Variants in AHCTF1 observed in about 807,000 individuals in gnomAD.
AHCTF1 encodes the protein AT-hook containing transcription factor 1, also known as protein ELYS.
Under a neutral mutation model 248.4 loss-of-function variants are expected in AHCTF1, and 24 were observed. The observed-to-expected ratio is 0.10, with a 90% CI of 0.07 to 0.14. AHCTF1 has a LOEUF of 0.14. AHCTF1 is among the 10% of genes least tolerant of loss of function. The pLI is 1.00. For synonymous variants in AHCTF1, 786 were observed against 929.8 expected (o/e 0.85, Z 2.81); for missense variants, 2,206 against 2,636.2 (o/e 0.84, Z 3.57).
rs1353361799 is a variant in AHCTF1 at position 246,864,326 on chromosome 1, C to G, written c.3348-210G>C. 237 of 475,270 alleles carry G rather than the reference C, an allele frequency of 5.0e-4. 3 individuals are homozygous for G. Among genetic ancestry groups the G allele is most frequent in the Non-Finnish European group, 6.9e-5 (19 of 277,006 alleles). The allele number at this position is 475,270 out of a possible 1,614,324, so 29.4% of individuals were successfully genotyped here. ...CAGAATTAAGAACTGCACATAGCAA[C>G]TGATTTTTAAAAAGAGTTTGCGTCG... On this transcript the variant is annotated intron_variant, in intron 26 of 35. Coordinates refer to ENST00000648844, the MANE Select transcript of AHCTF1 (RefSeq NM_001323342.2).
intron 8 of AHCTF1, 130 bp from the exon 9 acceptor site, chr1:246,900,599 G>A (rs1192654929): frequency 1.1e-5 from 11 of 989,450 alleles, no homozygotes; most frequent in East Asian, 2.9e-5. Context: ...TCATCAAAAC[G>A]CATTTCTATC....
At chr1:246,887,779 A>G (rs1663930178) in intron 19 of AHCTF1, among the ~76,000 whole-genome samples, 7 of 152,344 alleles carry the variant, frequency 4.6e-5, no homozygotes, top group Middle Eastern at 3.4e-3. Context: ...ATTATCACAA[A>G]GACTATAGGA....
rs745652905 is a variant in AHCTF1 at position 246,902,673 on chromosome 1, C to T, written c.969G>A (p.Gly323=). 1 of 1,595,772 alleles carries T rather than the reference C, an allele frequency of 6.3e-7. No individual in the cohort carries two copies. Among genetic ancestry groups the T allele is most frequent in the East Asian group, 2.2e-5 (1 of 44,538 alleles). The change falls in exon 8 of 36, where the codon GGG becomes GGA. Residue 323 remains glycine, a splice_region_variant and synonymous_variant. Coordinates refer to ENST00000648844, the MANE Select transcript of AHCTF1 (RefSeq NM_001323342.2). The part of the protein sequence containing the change: ...CLASGQILYE[G]LEYCEERYTL... Reference sequence around the variant, plus strand: ...TGTATCTTTCTTCACAGTATTCTAACCCCTGTAACATAAAATACACGCAAA... The same window carrying T: ...TGTATCTTTCTTCACAGTATTCTAATCCCTGTAACATAAAATACACGCAAA...
chr1:246,899,947 T>G (rs893089983), intron 10 of AHCTF1, 118 bp downstream of exon 10: 4 of 985,454 alleles, frequency 4.1e-6, no homozygotes, highest in Admixed American at 2.7e-5. Context: ...GTTATCCATA[T>G]GTTAACTAAC....
At chr1:246,902,258 C>T (rs1437523431) in intron 8 of AHCTF1, among the ~76,000 whole-genome samples, 5 of 152,162 alleles carry the variant, frequency 3.3e-5, no homozygotes, top group Non-Finnish European at 7.4e-5. Context: ...AAAGACTACT[C>T]ACACTAGTTC....
intron 1 of AHCTF1, among the ~76,000 whole-genome samples, chr1:246,919,083 C>T (rs962099245): frequency 7.9e-5 from 12 of 152,134 alleles, no homozygotes; most frequent in African/African-American, 2.9e-4. Context: ...CCATTATAAA[C>T]AACCAAAAAT....
chr1:246,899,975 T>C (rs950884062), intron 10 of AHCTF1, 90 bp downstream of exon 10: 7 of 1,291,544 alleles, frequency 5.4e-6, no homozygotes, highest in Non-Finnish European at 7.5e-6. Flanking sequence ...TACAAACAGA[T>C]AACACTAAAT....
At chr1:246,887,430 G>A in intron 19 of AHCTF1, 73 bp from the exon 20 acceptor site, 1 of 1,411,410 alleles carries the variant, frequency 7.1e-7, no homozygotes, top group South Asian at 1.4e-5. Context: ...ACAATAGGTA[G>A]CAACAAAATG....
intron 2 of AHCTF1, among the ~76,000 whole-genome samples, chr1:246,917,335 G>C (rs1484721988): frequency 6.6e-6 from 1 of 152,074 alleles, no homozygotes; most frequent in Non-Finnish European, 1.5e-5. Flanking sequence ...CCAGATGAAT[G>C]GTAACTTCTA....
At chr1:246,842,421 A>C (rs1445452451) in intron 35 of AHCTF1, among the ~76,000 whole-genome samples, 1 of 151,944 alleles carries the variant, frequency 6.6e-6, no homozygotes, top group African/African-American at 2.4e-5. Flanking sequence ...GTCTCTACTA[A>C]AAATACAAAA....
rs752440524 is a variant in AHCTF1 at position 246,887,211 on chromosome 1, C to T, written c.2472G>A (p.Glu824=). ...GFWLIDHNDY[E]SGLDLLFHPA... is the part of the protein sequence containing the mutation. ...TTATGCTGTAAGTGAATAGACTTAC[C>T]TCATAGTCATTATGATCTATCAACC... The change falls in exon 20 of 36, where the codon GAG becomes GAA. Residue 824 remains glutamate (E), a splice_region_variant and synonymous_variant. Transcript: ENST00000648844. The T allele has an allele frequency of 5.6e-6, 9 of 1,608,424 alleles. No individual in the cohort carries two copies. The East Asian group carries it at 1.8e-4, about 32-fold the overall frequency.
chr1:246,862,202 CG>C, intron 27 of AHCTF1, 49 bp from the exon 28 acceptor site: 2 of 1,473,802 alleles, frequency 1.4e-6, no homozygotes, highest in Non-Finnish European at 1.8e-6. Context: ...GCTTATAGGC[CG>C]GGCGCGGTGG....
intron 1 of AHCTF1, among the ~76,000 whole-genome samples, chr1:246,927,000 C>T (rs1304141371): frequency 6.6e-6 from 1 of 151,080 alleles, no homozygotes; most frequent in Non-Finnish European, 1.5e-5. Context: ...AGGTGAAATC[C>T]CGTCTCTACT....
rs35687457 is a variant in AHCTF1, at chr1:246,928,302, C to CA, written c.-8+3275dup. Among the ~76,000 whole-genome samples the CA allele has an allele frequency of 7.3e-3, 684 of 93,962 alleles. 6 individuals carry two copies. Among genetic ancestry groups the CA allele is most frequent in the African/African-American group, 0.016 (392 of 24,574 alleles). The allele number at this position is 93,962 out of a possible 152,430, so 61.6% of individuals were successfully genotyped here. ...TGGGCGACAGAGCGAGACTCCGTCT[C>CA]AAAAAAAAAAAAAAAAAAAAATTAC... On this transcript the variant is annotated intron_variant, in intron 1 of 35. Coordinates refer to ENST00000648844, the MANE Select transcript of AHCTF1 (RefSeq NM_001323342.2).
At chr1:246,901,549 C>T (rs768146822) in intron 8 of AHCTF1, among the ~76,000 whole-genome samples, 11 of 151,804 alleles carry the variant, frequency 7.2e-5, no homozygotes, top group African/African-American at 1.9e-4. Context: ...GCATGAACCC[C>T]GGAGGCGGAG....
At chr1:246,896,195 G>A (rs1432389824) in intron 12 of AHCTF1, among the ~76,000 whole-genome samples, 3 of 152,098 alleles carry the variant, frequency 2.0e-5, no homozygotes, top group Non-Finnish European at 4.4e-5. Context: ...CTTACCACAC[G>A]ACCCTCCAAT....
At chr1:246,853,631 C>T (rs1459629275) in intron 31 of AHCTF1, among the ~76,000 whole-genome samples, 18 of 150,546 alleles carry the variant, frequency 1.2e-4, no homozygotes, top group Admixed American at 1.2e-3. Context: ...ACCAGCTATC[C>T]TTGTAGAGTA....
intron 1 of AHCTF1, among the ~76,000 whole-genome samples, chr1:246,922,754 G>A (rs1237675829): frequency 2.0e-5 from 3 of 151,440 alleles, no homozygotes; most frequent in South Asian, 2.1e-4. Flanking sequence ...AGGCCAAGGA[G>A]GGCGGATCAC....
At position 246,929,932 on chromosome 1, in the gene AHCTF1, A is replaced by G. The variant is rs181257988; in HGVS notation, c.-8+1646T>C. 1.5e-4 allele frequency among the ~76,000 whole-genome samples: 23 copies of G among 152,012 alleles called. No homozygotes were observed. The South Asian group carries it at 1.7e-3, about 11-fold the overall frequency. On this transcript the variant is annotated intron_variant, in intron 1 of 35. Coordinates refer to ENST00000648844, the MANE Select transcript of AHCTF1 (RefSeq NM_001323342.2). Reference sequence around the variant, plus strand: ...CCGGGTGTGGTGGCGTGCGCCTGTAATCCCAGCTACTCAGGAGGCTGAGGC... The same window carrying G: ...CCGGGTGTGGTGGCGTGCGCCTGTAGTCCCAGCTACTCAGGAGGCTGAGGC...
Sources: allele counts gnomAD v4.1 joint callset (sites outside exome capture counted in the v4.1 genomes callset), GRCh38; gene constraint gnomAD v4.1.1; transcripts MANE v1.5; gene names NCBI Gene and HGNC (gene_info 2026-07-23, HGNC 2026-07-21).